KLHDC4: variants seen among roughly 807,000 people sequenced by gnomAD.
The protein encoded by KLHDC4 is kelch domain containing 4.
Under a neutral mutation model 62.4 loss-of-function variants are expected in KLHDC4, and 90 were observed. The ratio of observed to expected loss-of-function variants is 1.44; its 90% CI spans 1.22 to 1.72. The LOEUF (loss-of-function observed/expected upper bound fraction) is 1.72. KLHDC4 is among the 40% of genes most tolerant of loss of function. The pLI, the probability that KLHDC4 is intolerant of heterozygous loss-of-function variation, is 0.00. For synonymous variants in KLHDC4, 386 were observed against 284.4 expected (o/e 1.36, Z -3.59); for missense variants, 1,025 against 699.7 (o/e 1.47, Z -5.25).
At chr16:87,712,909 G>A (rs2036181014) in intron 8 of KLHDC4, among the ~76,000 whole-genome samples, 1 of 152,218 alleles carries the variant, frequency 6.6e-6, no homozygotes, top group African/African-American at 2.4e-5. Flanking sequence ...TCCCATAAGA[G>A]AGCTGTCCCC....
At chr16:87,721,945 C>T (rs2038441384) in intron 7 of KLHDC4, among the ~76,000 whole-genome samples, 1 of 152,154 alleles carries the variant, frequency 6.6e-6, no homozygotes, top group South Asian at 2.1e-4. Context: ...CACCGTCGCG[C>T]CCCCACCCTC....
chr16:87,753,233 G>A (rs920291465), intron 4 of KLHDC4, among the ~76,000 whole-genome samples: 2 of 152,224 alleles, frequency 1.3e-5, no homozygotes, highest in African/African-American at 4.8e-5. Context: ...CTGCACCCTG[G>A]GAGGGTGAGA....
chr16:87,715,974 T>A (rs2036885317), intron 7 of KLHDC4, among the ~76,000 whole-genome samples: 1 of 152,178 alleles, frequency 6.6e-6, no homozygotes, highest in African/African-American at 2.4e-5. Flanking sequence ...CTGTGTCTCA[T>A]GGATATTGAC....
chr16:87,755,476 G>T, intron 3 of KLHDC4, 184 bp from the exon 4 acceptor site: 2 of 474,260 alleles, frequency 4.2e-6, no homozygotes, highest in Non-Finnish European at 7.8e-6. Context: ...CAATGAAAAC[G>T]ACCGAACGCC....
In KLHDC4 at chr16:87,725,628, G is replaced by C. The variant is rs923571293; in HGVS notation, c.759+1137C>G. 2.0e-5 allele frequency among the ~76,000 whole-genome samples: 3 copies of C among 152,234 alleles called. No homozygotes were observed. The East Asian group carries it at 5.8e-4, about 29-fold the overall frequency. On this transcript the variant is annotated intron_variant, in intron 7 of 11. Coordinates refer to ENST00000270583, the MANE Select transcript of KLHDC4 (RefSeq NM_017566.4). ...TCATACCTCTCAGATTCACAGAAAT[G>C]TAAAGGTTGGCAGAGTGTGAAATGG...
Position 87,757,707 on chromosome 16 carries a change from C to T in KLHDC4, c.192-1230G>A, listed in dbSNP as rs549432531. On this transcript the variant is annotated intron_variant, in intron 2 of 11. Coordinates refer to ENST00000270583, the MANE Select transcript of KLHDC4 (RefSeq NM_017566.4). ...GAGTTCAAGACCAGCCTGGCAAACA[C>T]GGTGAAACCCCCCGTCTCTACTAAA... Among the ~76,000 whole-genome samples, 9 of 151,776 alleles carry T rather than the reference C, an allele frequency of 5.9e-5. No individual in the cohort carries two copies. In the East Asian group the frequency reaches 9.7e-4, roughly 16 times the overall value.
chr16:87,712,278 T>TAA (rs536083298), intron 8 of KLHDC4, among the ~76,000 whole-genome samples: 2 of 147,340 alleles, frequency 1.4e-5, no homozygotes, highest in Non-Finnish European at 1.5e-5. Context: ...AATGAACATT[T>TAA]AAAAAAAAAA....
At chr16:87,750,219 G>C (rs937443567) in intron 4 of KLHDC4, 1 of 152,350 alleles carries the variant, frequency 6.6e-6, no homozygotes, top group South Asian at 2.1e-4. Context: ...CAAGCTCCAC[G>C]GGGTCTTTCC....
At chr16:87,735,338 T>C (rs2041132495) in intron 5 of KLHDC4, among the ~76,000 whole-genome samples, 1 of 148,470 alleles carries the variant, frequency 6.7e-6, no homozygotes, top group African/African-American at 2.5e-5. Flanking sequence ...TAAACCAGTG[T>C]GTCTGCATCC....
intron 4 of KLHDC4, among the ~76,000 whole-genome samples, chr16:87,753,833 C>A (rs945887195): frequency 1.3e-5 from 2 of 149,936 alleles, no homozygotes; most frequent in African/African-American, 4.9e-5. Context: ...ATTAGCCAAG[C>A]GTGGTGGCGG....
intron 8 of KLHDC4, among the ~76,000 whole-genome samples, chr16:87,713,259 G>C (rs1315453871): frequency 2.0e-5 from 3 of 151,946 alleles, no homozygotes; most frequent in Non-Finnish European, 2.9e-5. Flanking sequence ...GAGTGCGGTG[G>C]TGCAATCTCG....
intron 2 of KLHDC4, among the ~76,000 whole-genome samples, chr16:87,758,951 G>A (rs1372136691): frequency 2.0e-5 from 3 of 152,064 alleles, no homozygotes; most frequent in Admixed American, 1.3e-4. Context: ...CGAGGCGGGC[G>A]GATCACCTGA....
At chr16:87,705,040 C>T (rs187347562), downstream of KLHDC4, among the ~76,000 whole-genome samples, 115 of 152,282 alleles carry the variant, frequency 7.6e-4, no homozygotes, top group African/African-American at 2.5e-3. Context: ...TCCCCTGGTA[C>T]GCCCGCCCAC....
At chr16:87,760,430 A>C (rs1248233138) in intron 2 of KLHDC4, among the ~76,000 whole-genome samples, 1 of 150,806 alleles carries the variant, frequency 6.6e-6, no homozygotes, top group African/African-American at 2.4e-5. Context: ...ACATGGTGAA[A>C]CCCCGTCTCT....
At chr16:87,715,591 G>C (rs553163503) in intron 7 of KLHDC4, among the ~76,000 whole-genome samples, 3 of 152,286 alleles carry the variant, frequency 2.0e-5, no homozygotes, top group African/African-American at 7.2e-5. Flanking sequence ...TAGCTGTGTG[G>C]ATGGCTCAGG....
At chr16:87,709,221 G>T in intron 10 of KLHDC4, 44 bp downstream of exon 10, 2 of 1,576,886 alleles carry the variant, frequency 1.3e-6, no homozygotes, top group South Asian at 2.3e-5. Context: ...CACGACCGTG[G>T]GCTCTCGCTC....
chr16:87,763,952 A>G (rs2046244903), intron 1 of KLHDC4, among the ~76,000 whole-genome samples: 1 of 152,214 alleles, frequency 6.6e-6, no homozygotes, highest in South Asian at 2.1e-4. Flanking sequence ...TTGAGACACT[A>G]AAAGACACTG....
At chr16:87,759,277 G>C (rs1428228857) in intron 2 of KLHDC4, among the ~76,000 whole-genome samples, 1 of 151,956 alleles carries the variant, frequency 6.6e-6, no homozygotes, top group Non-Finnish European at 1.5e-5. Context: ...GCTCACACCT[G>C]TAATCACAGC....
chr16:87,709,359 A>G lies in KLHDC4; in HGVS notation c.1353T>C (p.Phe451=). The change falls in exon 10 of 12, where the codon TTT becomes TTC. Residue 451 remains phenylalanine, a synonymous_variant. Coordinates refer to ENST00000270583, the MANE Select transcript of KLHDC4 (RefSeq NM_017566.4). ...HGVLYVYGGM[F]EAGDRQVTLS... is the part of the protein sequence containing the mutation. Reference sequence around the variant, plus strand: ...GGGTGACCTGGCGGTCGCCGGCCTCAAACATGCCCCCATAGACGTAGAGCA... The same window carrying G: ...GGGTGACCTGGCGGTCGCCGGCCTCGAACATGCCCCCATAGACGTAGAGCA... The G allele has an allele frequency of 4.3e-6, 7 of 1,613,472 alleles. No individual in the cohort carries two copies. Among genetic ancestry groups the G allele is most frequent in the Non-Finnish European group, 4.2e-6 (5 of 1,179,926 alleles).
Sources: gnomAD v4.1 joint callset for allele counts (sites outside exome capture counted in the v4.1 genomes callset) on GRCh38, gnomAD v4.1.1 for gene constraint, MANE v1.5 for transcripts, NCBI Gene and HGNC (gene_info 2026-07-23, HGNC 2026-07-21) for gene names.